Variants in EXOC4 observed in about 807,000 individuals in gnomAD.
EXOC4 encodes the protein exocyst complex component 4.
EXOC4 carries 71 observed loss-of-function variants against 107.2 expected under a neutral mutation model. The ratio of observed to expected loss-of-function variants is 0.66; its 90% CI spans 0.55 to 0.81. The LOEUF is 0.81. Ranked by LOEUF, EXOC4 falls within the 30% of genes least tolerant of loss-of-function variation. EXOC4 has a pLI of 0.00. For synonymous variants in EXOC4, 456 were observed against 441.2 expected (o/e 1.03, Z -0.42); for missense variants, 1,108 against 1,189.6 (o/e 0.93, Z 1.01).
intron 3 of EXOC4, 82 bp from the exon 4 acceptor site, chr7:133,305,795 T>C: frequency 7.9e-7 from 1 of 1,258,424 alleles, no homozygotes. Flanking sequence ...TGTTAGTATC[T>C]TTTTAAGACG....
intron 9 of EXOC4, among the ~76,000 whole-genome samples, chr7:133,623,573 T>C (rs1314220711): frequency 6.6e-6 from 1 of 152,232 alleles, no homozygotes; most frequent in Non-Finnish European, 1.5e-5. Flanking sequence ...TTGTTATTAA[T>C]AATAATGACA....
rs375752147 is a variant in EXOC4, at chr7:133,889,554, G to A, written c.1735-6045G>A. The stretch of plus-strand genomic sequence containing the variant: ...GTCATCTAGCATTAGGTATATCTCC[G>A]AATGCTATCCCTCCCCCCTCCCCCC... On this transcript the variant is annotated intron_variant, in intron 11 of 17. Coordinates refer to ENST00000253861, the MANE Select transcript of EXOC4 (RefSeq NM_021807.4). Among the ~76,000 whole-genome samples, 12 of 123,072 alleles carry A rather than the reference G, an allele frequency of 9.8e-5. No individual in the cohort carries two copies. In the East Asian group the frequency reaches 1.5e-3, roughly 15 times the overall value. 80.7% of individuals were successfully genotyped at this position (123,072 alleles called of 152,430 possible). A position where few individuals can be genotyped will look rare whatever the true frequency, so the allele number is the denominator to read the frequency against.
At chr7:133,385,737 AT>A (rs763533003) in intron 7 of EXOC4, among the ~76,000 whole-genome samples, 2 of 114,516 alleles carry the variant, frequency 1.7e-5, no homozygotes, top group Non-Finnish European at 3.8e-5. Context: ...AGAGTCAAAT[AT>A]GGAAGTCGGC....
At chr7:133,737,296 T>C (rs1795464051) in intron 10 of EXOC4, among the ~76,000 whole-genome samples, 1 of 152,200 alleles carries the variant, frequency 6.6e-6, no homozygotes, top group African/African-American at 2.4e-5. Flanking sequence ...CACTTGGTAA[T>C]AGTTCTCTGC....
intron 17 of EXOC4, among the ~76,000 whole-genome samples, chr7:134,019,026 T>C (rs890872733): frequency 1.3e-5 from 2 of 152,148 alleles, no homozygotes; most frequent in Admixed American, 1.3e-4. Flanking sequence ...GCCTCCCAGG[T>C]TCAAGCGATT....
intron 9 of EXOC4, among the ~76,000 whole-genome samples, chr7:133,617,932 G>T (rs1348627540): frequency 1.3e-5 from 2 of 152,016 alleles, no homozygotes; most frequent in Admixed American, 6.6e-5. Context: ...TTCAAACCGG[G>T]CCTTAAAGAA....
intron 9 of EXOC4, among the ~76,000 whole-genome samples, chr7:133,524,110 T>G (rs1267789317): frequency 1.4e-5 from 2 of 141,182 alleles, no homozygotes; most frequent in African/African-American, 5.4e-5. Flanking sequence ...CACCTGTTGT[T>G]TCCTGACTTT....
At chr7:133,439,569 T>C (rs1798060010) in intron 7 of EXOC4, among the ~76,000 whole-genome samples, 1 of 152,184 alleles carries the variant, frequency 6.6e-6, no homozygotes, top group South Asian at 2.1e-4. Context: ...ATGTATCATA[T>C]ATCCATGAAG....
intron 7 of EXOC4, among the ~76,000 whole-genome samples, chr7:133,377,909 G>A (rs1259970629): frequency 6.6e-6 from 1 of 152,082 alleles, no homozygotes; most frequent in African/African-American, 2.4e-5. Context: ...CTAGAATTTT[G>A]TGTTACCGAA....
intron 7 of EXOC4, among the ~76,000 whole-genome samples, chr7:133,402,987 C>T (rs1167230930): frequency 1.3e-5 from 2 of 150,544 alleles, no homozygotes; most frequent in Admixed American, 6.7e-5. Context: ...CTGGTTCAAG[C>T]GATTATCCTG....
At chr7:133,692,337 A>C (rs186295988) in intron 10 of EXOC4, among the ~76,000 whole-genome samples, 1 of 152,358 alleles carries the variant, frequency 6.6e-6, no homozygotes, top group Non-Finnish European at 1.5e-5. Context: ...TCTTTTCTCT[A>C]CCAATCTAGG....
intron 14 of EXOC4, among the ~76,000 whole-genome samples, chr7:133,947,220 A>G (rs1156985363): frequency 6.6e-6 from 1 of 152,150 alleles, no homozygotes; most frequent in Non-Finnish European, 1.5e-5. Context: ...GGGGCTCACT[A>G]TGGGGTTTCT....
At chr7:133,840,030 G>A (rs1281911706) in intron 11 of EXOC4, among the ~76,000 whole-genome samples, 4 of 152,216 alleles carry the variant, frequency 2.6e-5, no homozygotes, top group Non-Finnish European at 5.9e-5. Flanking sequence ...ACAGTGGTCA[G>A]TTCTACCTTG....
chr7:133,654,051 G>A (rs1392431312), intron 10 of EXOC4, among the ~76,000 whole-genome samples: 22 of 152,176 alleles, frequency 1.4e-4, no homozygotes, highest in Admixed American at 1.4e-3. Context: ...ATAAAATAGG[G>A]TTTCTAATAG....
At chr7:133,368,854 A>G (rs576827392) in intron 6 of EXOC4, among the ~76,000 whole-genome samples, 2 of 152,350 alleles carry the variant, frequency 1.3e-5, no homozygotes, top group South Asian at 2.1e-4. Flanking sequence ...TAAAATCTCT[A>G]AAGTTCTTGG....
chr7:134,014,710 C>T (rs879332618), intron 17 of EXOC4, among the ~76,000 whole-genome samples: 3 of 151,642 alleles, frequency 2.0e-5, no homozygotes, highest in Non-Finnish European at 4.4e-5. Context: ...GTTGTACAGC[C>T]CTGTGACTAT....
chr7:134,088,237 C>T, the EXOC4 span, among the ~76,000 whole-genome samples: 7 of 152,132 alleles, frequency 4.6e-5, no homozygotes, highest in Admixed American at 2.0e-4. Context: ...CCACTCAAAG[C>T]CTTGGTAAAA....
At chr7:134,074,860 GAAT>G in the EXOC4 span, among the ~76,000 whole-genome samples, 2 of 152,342 alleles carry the variant, frequency 1.3e-5, no homozygotes, top group South Asian at 4.1e-4. Context: ...TCAGTAAAAC[GAAT>G]AATGATTGTA....
At chr7:134,073,750 G>C in the EXOC4 span, among the ~76,000 whole-genome samples, 1 of 152,136 alleles carries the variant, frequency 6.6e-6, no homozygotes, top group South Asian at 2.1e-4. Flanking sequence ...CAGTCATTGT[G>C]ATTTACTCAC....
Sources: allele counts gnomAD v4.1 joint callset (sites outside exome capture counted in the v4.1 genomes callset), GRCh38; gene constraint gnomAD v4.1.1; transcripts MANE v1.5; gene names NCBI Gene and HGNC (gene_info 2026-07-23, HGNC 2026-07-21).